TNNI3K: variants seen among roughly 807,000 people sequenced by gnomAD.
TNNI3K encodes the protein TNNI3 interacting kinase.
Under a neutral mutation model 114.5 loss-of-function variants are expected in TNNI3K, and 140 were observed. That is an observed-to-expected ratio of 1.22 (90% CI 1.07 to 1.41). TNNI3K has a LOEUF of 1.41. Ranked by LOEUF, TNNI3K falls within the 40% of genes most tolerant of loss-of-function variation. TNNI3K has a pLI of 0.00. For synonymous variants in TNNI3K, 347 were observed against 347.5 expected (o/e 1.00, Z 0.02); for missense variants, 1,125 against 1,007.6 (o/e 1.12, Z -1.58).
chr1:74,519,924 A>G (rs1646406374), intron 23 of TNNI3K, among the ~76,000 whole-genome samples: 1 of 152,104 alleles, frequency 6.6e-6, no homozygotes, highest in South Asian at 2.1e-4. Flanking sequence ...CCCTGACTGG[A>G]CAGCATGTTC....
chr1:74,472,773 G>T (rs935330881), intron 21 of TNNI3K, among the ~76,000 whole-genome samples: 1 of 152,026 alleles, frequency 6.6e-6, no homozygotes, highest in African/African-American at 2.4e-5. Flanking sequence ...TAGGTATTTT[G>T]AAATATAGCC....
At chr1:74,313,078 C>T (rs1392243324) in intron 5 of TNNI3K, among the ~76,000 whole-genome samples, 1 of 152,142 alleles carries the variant, frequency 6.6e-6, no homozygotes, top group Admixed American at 6.5e-5. Context: ...GTCTTGGATC[C>T]TAGAGCCTGG....
intron 23 of TNNI3K, among the ~76,000 whole-genome samples, chr1:74,513,135 G>A (rs1646287370): frequency 1.3e-5 from 2 of 152,202 alleles, no homozygotes; most frequent in African/African-American, 2.4e-5. Context: ...CTGTTTCACT[G>A]GCCTGAGATT....
At chr1:74,286,519 A>C (rs1056604264) in intron 5 of TNNI3K, among the ~76,000 whole-genome samples, 2 of 152,032 alleles carry the variant, frequency 1.3e-5, no homozygotes, top group African/African-American at 4.8e-5. Context: ...GAACTCAGGT[A>C]CGAGGCTCAT....
chr1:74,295,372 G>A (rs1209257694), intron 5 of TNNI3K, among the ~76,000 whole-genome samples: 1 of 151,958 alleles, frequency 6.6e-6, no homozygotes, highest in African/African-American at 2.4e-5. Flanking sequence ...GGTAATTTTT[G>A]TCAATCACAT....
chr1:74,372,518 C>G (rs537464087), intron 17 of TNNI3K: 1 of 151,930 alleles, frequency 6.6e-6, no homozygotes, highest in African/African-American at 2.4e-5. Flanking sequence ...TAATTTTTAG[C>G]TATTAGTTCT....
intron 2 of TNNI3K, among the ~76,000 whole-genome samples, chr1:74,238,525 TAGAA>T (rs1344911989): frequency 1.3e-5 from 2 of 152,014 alleles, no homozygotes; most frequent in South Asian, 2.1e-4. Context: ...TATTAAAAGT[TAGAA>T]AGAGTGAAAG....
chr1:74,362,080 A>G (rs997617534), intron 11 of TNNI3K, among the ~76,000 whole-genome samples: 3 of 152,048 alleles, frequency 2.0e-5, no homozygotes, highest in Non-Finnish European at 4.4e-5. Context: ...GCAAGCCAGA[A>G]ATTTTTGTCG....
chr1:74,434,870 C>CT (rs1557563438), intron 17 of TNNI3K, among the ~76,000 whole-genome samples: 2 of 151,866 alleles, frequency 1.3e-5, no homozygotes, highest in Non-Finnish European at 1.5e-5. Context: ...TCAAAAGTAA[C>CT]TTTTTTATAA....
intron 17 of TNNI3K, among the ~76,000 whole-genome samples, chr1:74,421,226 T>C (rs996033004): frequency 2.0e-5 from 3 of 152,140 alleles, no homozygotes; most frequent in African/African-American, 7.2e-5. Flanking sequence ...ATGTCCAGTG[T>C]GTAAAAATCA....
intron 23 of TNNI3K, among the ~76,000 whole-genome samples, chr1:74,515,642 A>T (rs907996354): frequency 1.3e-5 from 2 of 152,184 alleles, no homozygotes; most frequent in African/African-American, 2.4e-5. Flanking sequence ...CATCCGATGT[A>T]GTCAAACTAA....
intron 20 of TNNI3K, among the ~76,000 whole-genome samples, chr1:74,446,816 G>C (rs1666711541): frequency 6.7e-6 from 1 of 149,282 alleles, no homozygotes; most frequent in African/African-American, 2.5e-5. Context: ...CCCATTGCTT[G>C]TTTTTCTCAG....
chr1:74,426,098 G>C (rs1054038676), intron 17 of TNNI3K, among the ~76,000 whole-genome samples: 30 of 152,212 alleles, frequency 2.0e-4, no homozygotes, highest in African/African-American at 6.3e-4. Flanking sequence ...CTGCCCTTTT[G>C]CAGAGACATG....
chr1:74,330,946 G>T (rs1483607440), intron 5 of TNNI3K, among the ~76,000 whole-genome samples: 1 of 152,090 alleles, frequency 6.6e-6, no homozygotes, highest in Non-Finnish European at 1.5e-5. Flanking sequence ...TATATAAATA[G>T]AAAAATGTTC....
intron 23 of TNNI3K, among the ~76,000 whole-genome samples, chr1:74,501,225 C>T (rs1669608075): frequency 6.6e-6 from 1 of 152,172 alleles, no homozygotes; most frequent in Middle Eastern, 3.2e-3. Flanking sequence ...TTCCAATTCA[C>T]TTATTCTCTC....
Position 74,427,944 on chromosome 1 carries a change from T to G in TNNI3K, c.1773-8136T>G, listed in dbSNP as rs866941877. Among the ~76,000 whole-genome samples the G allele has an allele frequency of 5.2e-5, 6 of 114,940 alleles. No homozygotes were observed. The East Asian group carries it at 7.1e-4, about 14-fold the overall frequency. The allele number at this position is 114,940 out of a possible 152,430, so 75.4% of individuals were successfully genotyped here. On this transcript the variant is annotated intron_variant, in intron 17 of 24. Transcript: ENST00000326637. The stretch of plus-strand genomic sequence containing the variant: ...AAATAGTAAGTGAAGAGTATGAGGT[T>G]TTTTTTTTTTCACGTTACCCTCAAT...
intron 23 of TNNI3K, among the ~76,000 whole-genome samples, chr1:74,501,617 G>C (rs1433685764): frequency 6.6e-6 from 1 of 152,072 alleles, no homozygotes; most frequent in African/African-American, 2.4e-5. Flanking sequence ...CTCCCGAGTA[G>C]CTGGGATTAC....
chr1:74,292,758 T>C (rs72966112), intron 5 of TNNI3K, among the ~76,000 whole-genome samples: 2,776 of 151,334 alleles, frequency 0.018, 86 homozygotes, highest in African/African-American at 0.064. Flanking sequence ...TTATTGTTTC[T>C]TGTTGGCTTT....
At chr1:74,416,608 C>T (rs1281300121) in intron 17 of TNNI3K, 1 of 946,226 alleles carries the variant, frequency 1.1e-6, no homozygotes, top group Non-Finnish European at 1.3e-6. Flanking sequence ...TTTCCCCTTC[C>T]TCTTCTATTC....
Sources: gnomAD v4.1 joint callset for allele counts (sites outside exome capture counted in the v4.1 genomes callset) on GRCh38, gnomAD v4.1.1 for gene constraint, MANE v1.5 for transcripts, NCBI Gene and HGNC (gene_info 2026-07-23, HGNC 2026-07-21) for gene names.